The following SETX variants were observed in gnomAD, a reference collection of about 807,000 sequenced individuals.
The protein encoded by SETX is helicase senataxin.
Under a neutral mutation model 227.2 loss-of-function variants are expected in SETX, and 90 were observed. That is an observed-to-expected ratio of 0.40 (90% CI 0.33 to 0.47). SETX has a LOEUF of 0.47. Among genes scored for constraint, SETX ranks in the 20% least tolerant of loss-of-function variants. SETX has a pLI of 0.91. For synonymous variants in SETX, 1,210 were observed against 1,113.2 expected (o/e 1.09, Z -1.73); for missense variants, 3,052 against 3,181.5 (o/e 0.96, Z 0.98).
At chr9:132,336,617 A>G in intron 5 of SETX, 102 bp from the exon 6 acceptor site, 1 of 870,120 alleles carries the variant, frequency 1.1e-6, no homozygotes, top group East Asian at 2.5e-5. Context: ...TTTAAAAGAC[A>G]TGTGACATAT....
At chr9:132,354,327 G>C (rs769393356) in intron 1 of SETX, among the ~76,000 whole-genome samples, 1 of 151,974 alleles carries the variant, frequency 6.6e-6, no homozygotes, top group Non-Finnish European at 1.5e-5. Flanking sequence ...CCCTGTCTCT[G>C]CAACACATTT....
In SETX at chr9:132,264,691, C is replaced by CAG; in HGVS notation, c.7580_7581dup (p.Glu2528LeufsTer16). 1 of 1,614,242 alleles carries CAG rather than the reference C, an allele frequency of 6.2e-7. No homozygotes were observed. The highest frequency in any genetic ancestry group is 1.1e-5 in the South Asian group (1 of 91,082). On this transcript the variant is annotated frameshift_variant, in exon 26 of 26. Coordinates refer to ENST00000224140, the MANE Select transcript of SETX (RefSeq NM_015046.7). LOFTEE classifies it low-confidence loss of function (END_TRUNC). The stretch of plus-strand genomic sequence containing the variant: ...AGTTGGTCATGAACAGGAGGTCTTT[C>CAG]AGGGTCCTTTGAAGTAACAGTAAGA...
intron 18 of SETX, among the ~76,000 whole-genome samples, chr9:132,284,305 T>C (rs1343243209): frequency 2.0e-5 from 3 of 152,214 alleles, no homozygotes; most frequent in Non-Finnish European, 4.4e-5. Context: ...GAAAGATTAA[T>C]CTGGGGTTCT....
At chr9:132,267,759 T>C (rs945521459) in intron 25 of SETX, among the ~76,000 whole-genome samples, 9 of 152,248 alleles carry the variant, frequency 5.9e-5, no homozygotes, top group African/African-American at 2.2e-4. Context: ...CTAAACGGAA[T>C]GTGAAAAAGG....
chr9:132,326,514 T>C lies in SETX; in HGVS notation c.5084A>G (p.Gln1695Arg). ...TTTAACGAAGGTGTCAGAGACAGACTGTGATGACAAAAGAATGTTTACTGG... is the reference window on the plus strand; with the variant it reads ...TTTAACGAAGGTGTCAGAGACAGACCGTGATGACAAAAGAATGTTTACTGG... ...SSPVNILLSSQSVSDTFVKEV... is the reference protein window; with the variant it reads ...SSPVNILLSSRSVSDTFVKEV... Residue 1695 changes from glutamine (Q) to arginine (R), a missense_variant, in exon 10 of 26, where the codon CAG (glutamine) becomes CGG (arginine). Transcript: ENST00000224140. 1 of 1,614,212 alleles carries C rather than the reference T, an allele frequency of 6.2e-7. No homozygotes were observed. The highest frequency in any genetic ancestry group is 8.5e-7 in the Non-Finnish European group (1 of 1,180,028).
chr9:132,296,816 A>G (rs973462951), intron 14 of SETX, 71 bp downstream of exon 14: 24 of 1,337,202 alleles, frequency 1.8e-5, no homozygotes, highest in Non-Finnish European at 2.5e-5. Context: ...ACTTATTTAC[A>G]TGTCAGTTAA....
At chr9:132,302,854 G>C (rs1845093523) in intron 11 of SETX, among the ~76,000 whole-genome samples, 1 of 152,062 alleles carries the variant, frequency 6.6e-6, no homozygotes, top group African/African-American at 2.4e-5. Context: ...GTGGAAGGCA[G>C]CTATACAGAT....
chr9:132,350,295 A>T (rs1345590754), intron 2 of SETX, among the ~76,000 whole-genome samples: 1 of 152,182 alleles, frequency 6.6e-6, no homozygotes, highest in Non-Finnish European at 1.5e-5. Flanking sequence ...GGTTGCAGTG[A>T]GCCAAGATTG....
chr9:132,339,521 G>A (rs1847837695), intron 5 of SETX, among the ~76,000 whole-genome samples: 1 of 152,184 alleles, frequency 6.6e-6, no homozygotes, highest in African/African-American at 2.4e-5. Flanking sequence ...CCTGCAAAGA[G>A]TTTGAAAACT....
At position 132,343,010 on chromosome 9, in the gene SETX, C is replaced by G. The variant is rs188088102; in HGVS notation, c.389-211G>C. Among the ~76,000 whole-genome samples, 14 of 152,258 alleles carry G rather than the reference C, an allele frequency of 9.2e-5. No homozygotes were observed. The East Asian group carries it at 2.7e-3, about 29-fold the overall frequency. ...TCACAGGGTGTTCTTAGAAATTATT[C>G]TGACCTTATTAGAATAGATCCCTTT... On this transcript the variant is annotated intron_variant, in intron 4 of 25. Coordinates refer to ENST00000224140, the MANE Select transcript of SETX (RefSeq NM_015046.7).
intron 7 of SETX, 52 bp downstream of exon 7, chr9:132,334,556 A>C: frequency 6.2e-7 from 1 of 1,601,288 alleles, no homozygotes; most frequent in Non-Finnish European, 8.6e-7. Context: ...TCATTTTTAA[A>C]GTGCATCATC....
intron 1 of SETX, among the ~76,000 whole-genome samples, chr9:132,354,553 G>A (rs1466343427): frequency 6.6e-6 from 1 of 151,588 alleles, no homozygotes; most frequent in Non-Finnish European, 1.5e-5. Context: ...CCAGGCGAGA[G>A]GCAGACGAGC....
chr9:132,341,373 C>A (rs928732291), intron 5 of SETX, among the ~76,000 whole-genome samples: 1 of 152,196 alleles, frequency 6.6e-6, no homozygotes, highest in Non-Finnish European at 1.5e-5. Context: ...TCTGTCAGAG[C>A]ATGCGCTTTC....
intron 12 of SETX, among the ~76,000 whole-genome samples, chr9:132,299,851 G>T (rs1347005867): frequency 1.3e-5 from 2 of 152,004 alleles, no homozygotes; most frequent in African/African-American, 4.8e-5. Context: ...ACATAAGAAG[G>T]ACAAGTCTCG....
At chr9:132,267,075 T>G (rs1400249197) in intron 25 of SETX, among the ~76,000 whole-genome samples, 3 of 152,240 alleles carry the variant, frequency 2.0e-5, no homozygotes, top group African/African-American at 7.2e-5. Context: ...AAGTTCTAAG[T>G]GAAAATAAGG....
intron 11 of SETX, among the ~76,000 whole-genome samples, chr9:132,306,327 A>C (rs1845334157): frequency 6.6e-6 from 1 of 152,166 alleles, no homozygotes; most frequent in Non-Finnish European, 1.5e-5. Context: ...ATTCTCCTGC[A>C]TCAGCCTCCC....
chr9:132,344,223 G>A (rs1444254822), intron 4 of SETX, among the ~76,000 whole-genome samples: 3 of 152,110 alleles, frequency 2.0e-5, no homozygotes, highest in Admixed American at 6.6e-5. Flanking sequence ...ATGGTTTTTG[G>A]GTTTTTTAGA....
At chr9:132,340,834 C>T (rs1385856968) in intron 5 of SETX, among the ~76,000 whole-genome samples, 1 of 152,174 alleles carries the variant, frequency 6.6e-6, no homozygotes, top group Non-Finnish European at 1.5e-5. Flanking sequence ...TCATCTAAGG[C>T]AATGATGAGG....
chr9:132,342,925 T>C, intron 4 of SETX, 126 bp from the exon 5 acceptor site: 1 of 712,902 alleles, frequency 1.4e-6, no homozygotes, highest in South Asian at 1.5e-5. Context: ...AATTGAGGCA[T>C]AAAAATGCTT....
Sources: gnomAD v4.1 joint callset for allele counts (sites outside exome capture counted in the v4.1 genomes callset) on GRCh38, gnomAD v4.1.1 for gene constraint, MANE v1.5 for transcripts, NCBI Gene and HGNC (gene_info 2026-07-23, HGNC 2026-07-21) for gene names.